Variants in CCDC192 observed in about 807,000 individuals in gnomAD.
CCDC192 encodes coiled-coil domain containing 192, also known as coiled-coil domain-containing protein 192.
chr5:127,736,854 A>G (rs1753034692), intron 2 of CCDC192, among the ~76,000 whole-genome samples: 7 of 144,236 alleles, frequency 4.9e-5, no homozygotes, highest in Admixed American at 1.4e-4. Flanking sequence ...CGGTCTATCA[A>G]TTTTGTTGAT....
At chr5:127,836,093 T>C (rs1248711254) in intron 5 of CCDC192, among the ~76,000 whole-genome samples, 8 of 152,120 alleles carry the variant, frequency 5.3e-5, no homozygotes, top group Non-Finnish European at 1.2e-4. Flanking sequence ...CAAGATACAA[T>C]AGGGCTACAG....
intron 6 of CCDC192, among the ~76,000 whole-genome samples, chr5:127,878,452 T>G (rs944700767): frequency 6.6e-6 from 1 of 152,176 alleles, no homozygotes; most frequent in Non-Finnish European, 1.5e-5. Context: ...GAAATCCACT[T>G]TCTTAAAGGA....
chr5:127,712,956 C>T (rs577127239), intron 2 of CCDC192, among the ~76,000 whole-genome samples: 12 of 152,158 alleles, frequency 7.9e-5, no homozygotes, highest in Non-Finnish European at 1.3e-4. Flanking sequence ...ATTCTGTGGC[C>T]GGGTACAGTG....
intron 5 of CCDC192, among the ~76,000 whole-genome samples, chr5:127,815,201 T>G (rs572044727): frequency 6.6e-6 from 1 of 152,338 alleles, no homozygotes; most frequent in South Asian, 2.1e-4. Flanking sequence ...TGGGAGCTAT[T>G]GTACACATCA....
intron 6 of CCDC192, among the ~76,000 whole-genome samples, chr5:127,889,701 C>T (rs1752674427): frequency 6.6e-6 from 1 of 152,162 alleles, no homozygotes; most frequent in African/African-American, 2.4e-5. Context: ...CATGCCCAAC[C>T]TCTATTCTAC....
intron 3 of CCDC192, among the ~76,000 whole-genome samples, chr5:127,755,795 A>AT (rs34895757): frequency 4.1e-4 from 61 of 148,040 alleles, no homozygotes; most frequent in African/African-American, 7.7e-4. Context: ...GGTATATAGG[A>AT]TTTTTTTTTT....
chr5:127,749,830 G>T (rs1032869363), intron 2 of CCDC192, among the ~76,000 whole-genome samples: 1 of 152,154 alleles, frequency 6.6e-6, no homozygotes, highest in African/African-American at 2.4e-5. Context: ...CTTCTTCCTG[G>T]TTTAGTCTTG....
At chr5:127,786,620 G>T (rs10463833) in intron 3 of CCDC192, 1 of 752,976 alleles carries the variant, frequency 1.3e-6, no homozygotes, top group African/African-American at 1.7e-5. Flanking sequence ...GGTGAACCCA[G>T]TGTCTACTGA....
At chr5:127,806,615 T>G (rs1009174152) in intron 5 of CCDC192, among the ~76,000 whole-genome samples, 1 of 112,494 alleles carries the variant, frequency 8.9e-6, no homozygotes, top group Non-Finnish European at 1.8e-5. Context: ...TTAGAGGTTC[T>G]CATATTCAAA....
chr5:127,780,687 T>C (rs1756162237), intron 3 of CCDC192, among the ~76,000 whole-genome samples: 1 of 152,150 alleles, frequency 6.6e-6, no homozygotes, highest in South Asian at 2.1e-4. Context: ...TTTTTCTTGC[T>C]GATTTGTTTG....
chr5:127,838,828 G>A (rs1300260249), intron 5 of CCDC192: 1 of 152,272 alleles, frequency 6.6e-6, no homozygotes, highest in Non-Finnish European at 1.5e-5. Flanking sequence ...GCAGCATCCT[G>A]TGTGTAGTCT....
At chr5:127,862,991 A>G (rs1751436125) in intron 5 of CCDC192, among the ~76,000 whole-genome samples, 1 of 152,128 alleles carries the variant, frequency 6.6e-6, no homozygotes, top group Admixed American at 6.5e-5. Context: ...AGCTTAACTT[A>G]CAAATCTGTG....
At chr5:127,751,505 C>T (rs1754170221) in intron 2 of CCDC192, among the ~76,000 whole-genome samples, 1 of 152,146 alleles carries the variant, frequency 6.6e-6, no homozygotes, top group Non-Finnish European at 1.5e-5. Flanking sequence ...GATGGGCTTC[C>T]CTTTGAGGGT....
At chr5:127,888,464 G>A (rs953137338) in intron 6 of CCDC192, among the ~76,000 whole-genome samples, 2 of 151,584 alleles carry the variant, frequency 1.3e-5, no homozygotes, top group African/African-American at 2.4e-5. Flanking sequence ...AAATTCTCAC[G>A]TATAAATTTA....
intron 1 of CCDC192, among the ~76,000 whole-genome samples, chr5:127,706,971 G>T (rs942744492): frequency 6.6e-6 from 1 of 152,174 alleles, no homozygotes; most frequent in African/African-American, 2.4e-5. Flanking sequence ...ACTGAGTGAA[G>T]AAAGTATTTC....
At chr5:127,844,217 G>A (rs1426557982) in intron 5 of CCDC192, among the ~76,000 whole-genome samples, 3 of 152,216 alleles carry the variant, frequency 2.0e-5, no homozygotes, top group Non-Finnish European at 2.9e-5. Context: ...GACAGATCCT[G>A]CAGCAGGCAA....
At chr5:127,810,663 C>G (rs757549264) in intron 5 of CCDC192, among the ~76,000 whole-genome samples, 1 of 152,170 alleles carries the variant, frequency 6.6e-6, no homozygotes, top group African/African-American at 2.4e-5. Flanking sequence ...ATGGAAGCAG[C>G]AACATTACTG....
intron 3 of CCDC192, among the ~76,000 whole-genome samples, chr5:127,760,307 T>C (rs10067219): frequency 0.78 from 117,049 of 150,486 alleles, 45,664 homozygotes; most frequent in East Asian, 0.9. Context: ...AACTGAGTGC[T>C]CTTTAAAGGT....
intron 5 of CCDC192, among the ~76,000 whole-genome samples, chr5:127,867,360 T>C (rs1946654858): frequency 6.6e-6 from 1 of 152,194 alleles, no homozygotes; most frequent in Admixed American, 6.5e-5. Context: ...TTCATTATTT[T>C]TGTAATCATG....
Sources: gnomAD v4.1 joint callset for allele counts (sites outside exome capture counted in the v4.1 genomes callset) on GRCh38, gnomAD v4.1.1 for gene constraint, MANE v1.5 for transcripts, NCBI Gene and HGNC (gene_info 2026-07-23, HGNC 2026-07-21) for gene names.